CACNA2D3: variants seen among roughly 807,000 people sequenced by gnomAD.
CACNA2D3 encodes the protein calcium voltage-gated channel auxiliary subunit alpha2delta 3.
In CACNA2D3, 60 loss-of-function variants were observed where a neutral mutation model predicts 160.6. The ratio of observed to expected loss-of-function variants is 0.37; its 90% CI spans 0.30 to 0.46. The LOEUF (loss-of-function observed/expected upper bound fraction) is 0.46. Ranked by LOEUF, CACNA2D3 falls within the 20% of genes least tolerant of loss-of-function variation. CACNA2D3 has a pLI of 1.00. For synonymous variants in CACNA2D3, 558 were observed against 492.9 expected, an observed-to-expected ratio of 1.13 and a Z score of -1.75; for missense variants, 1,205 against 1,365.0, an observed-to-expected ratio of 0.88 and a Z score of 1.85.
intron 2 of CACNA2D3, among the ~76,000 whole-genome samples, chr3:54,223,085 C>T (rs553101917): frequency 6.6e-6 from 1 of 152,058 alleles, no homozygotes; most frequent in African/African-American, 2.4e-5. Context: ...TTATTTTATT[C>T]TTTTGATGCT....
intron 5 of CACNA2D3, among the ~76,000 whole-genome samples, chr3:54,535,029 A>G (rs1701866443): frequency 6.6e-6 from 1 of 152,224 alleles, no homozygotes; most frequent in Non-Finnish European, 1.5e-5. Flanking sequence ...CCCATTTGCC[A>G]CTACTGAAAT....
At chr3:54,864,001 C>T (rs1699348581) in intron 17 of CACNA2D3, among the ~76,000 whole-genome samples, 1 of 152,008 alleles carries the variant, frequency 6.6e-6, no homozygotes, top group African/African-American at 2.4e-5. Flanking sequence ...ATTACATCTC[C>T]GAATAGAGGC....
At chr3:54,663,709 C>T (rs1032249502) in intron 11 of CACNA2D3, among the ~76,000 whole-genome samples, 1 of 152,252 alleles carries the variant, frequency 6.6e-6, no homozygotes, top group Non-Finnish European at 1.5e-5. Flanking sequence ...GCTGACACAT[C>T]TGTGAGATGC....
chr3:54,338,544 A>T (rs972126523), intron 3 of CACNA2D3, among the ~76,000 whole-genome samples: 2 of 147,302 alleles, frequency 1.4e-5, no homozygotes, highest in South Asian at 2.2e-4. Context: ...CTAGGAGAAG[A>T]TGAGCCAGAG....
intron 29 of CACNA2D3, among the ~76,000 whole-genome samples, chr3:54,975,441 C>A (rs571958753): frequency 6.6e-6 from 1 of 150,666 alleles, no homozygotes; most frequent in East Asian, 2.0e-4. Context: ...ATCACCTGAA[C>A]CTGGGAGGCA....
chr3:54,741,900 T>C (rs1280728749), intron 11 of CACNA2D3, among the ~76,000 whole-genome samples: 2 of 151,990 alleles, frequency 1.3e-5, no homozygotes, highest in African/African-American at 4.8e-5. Context: ...TATTTTTTTT[T>C]TGAGACAAGG....
intron 2 of CACNA2D3, among the ~76,000 whole-genome samples, chr3:54,181,217 A>G (rs892076394): frequency 6.6e-6 from 1 of 152,238 alleles, no homozygotes; most frequent in African/African-American, 2.4e-5. Context: ...CACTTTATAA[A>G]TAAATTGAGC....
chr3:54,825,595 TG>T (rs1703732750), intron 14 of CACNA2D3, among the ~76,000 whole-genome samples: 1 of 152,192 alleles, frequency 6.6e-6, no homozygotes, highest in Non-Finnish European at 1.5e-5. Flanking sequence ...CTACACTTTA[TG>T]GCCAAGGCCT....
intron 11 of CACNA2D3, among the ~76,000 whole-genome samples, chr3:54,657,239 A>T (rs1337726840): frequency 6.6e-6 from 1 of 152,068 alleles, no homozygotes; most frequent in Admixed American, 6.5e-5. Flanking sequence ...CGCGGTCTGG[A>T]TGTGTACGTG....
chr3:54,948,183 G>C (rs1469992189), intron 27 of CACNA2D3, among the ~76,000 whole-genome samples: 3 of 152,078 alleles, frequency 2.0e-5, no homozygotes, highest in African/African-American at 4.8e-5. Flanking sequence ...CTTTCCCCTG[G>C]TTGTCTTGAC....
At chr3:54,136,634 T>C (rs906018009) in intron 2 of CACNA2D3, among the ~76,000 whole-genome samples, 23 of 152,228 alleles carry the variant, frequency 1.5e-4, no homozygotes, top group African/African-American at 5.5e-4. Context: ...CCTGCACACA[T>C]CCGGCTGTGT....
intron 2 of CACNA2D3, among the ~76,000 whole-genome samples, chr3:54,310,778 T>C (rs887126103): frequency 6.6e-6 from 1 of 152,238 alleles, no homozygotes; most frequent in Non-Finnish European, 1.5e-5. Flanking sequence ...AGTATTTTAC[T>C]CTGTGTTCAG....
chr3:54,839,153 G>A (rs1168989046), intron 16 of CACNA2D3, among the ~76,000 whole-genome samples: 1 of 152,170 alleles, frequency 6.6e-6, no homozygotes, highest in African/African-American at 2.4e-5. Flanking sequence ...AGCTGCTCGG[G>A]AGGCTGAGGC....
At chr3:54,661,811 C>T (rs1035736199) in intron 11 of CACNA2D3, among the ~76,000 whole-genome samples, 138 of 150,754 alleles carry the variant, frequency 9.2e-4, no homozygotes, top group Middle Eastern at 3.4e-3. Flanking sequence ...GAGGAACAGC[C>T]CTATGGTTCA....
intron 9 of CACNA2D3, among the ~76,000 whole-genome samples, chr3:54,588,104 T>C (rs1702795953): frequency 6.6e-6 from 1 of 152,170 alleles, no homozygotes; most frequent in Admixed American, 6.5e-5. Context: ...ATATAAAAAA[T>C]AATATGCTAC....
Position 54,129,838 on chromosome 3 carries a change from G to A in CACNA2D3, c.204+6244G>A, listed in dbSNP as rs545659062. Among the ~76,000 whole-genome samples the A allele has an allele frequency of 4.6e-5, 7 of 152,272 alleles. No homozygotes were observed. The East Asian group carries it at 9.7e-4, about 21-fold the overall frequency. On this transcript the variant is annotated intron_variant, in intron 2 of 37. Coordinates refer to ENST00000474759, the MANE Select transcript of CACNA2D3 (RefSeq NM_018398.3). Reference sequence around the variant, plus strand: ...ACTTATTAAGTGTGTGTATGTGTGCGTGCCTGTGCCAATAAAAATGGATGC... The same window carrying A: ...ACTTATTAAGTGTGTGTATGTGTGCATGCCTGTGCCAATAAAAATGGATGC...
chr3:54,933,407 C>T (rs1475937365), intron 27 of CACNA2D3, among the ~76,000 whole-genome samples: 1 of 152,194 alleles, frequency 6.6e-6, no homozygotes, highest in African/African-American at 2.4e-5. Context: ...GCTTCTTCCA[C>T]CTTTTGGCTG....
At chr3:54,695,851 G>A (rs1700654865) in intron 11 of CACNA2D3, among the ~76,000 whole-genome samples, 1 of 152,138 alleles carries the variant, frequency 6.6e-6, no homozygotes, top group African/African-American at 2.4e-5. Context: ...AATTTTCTCT[G>A]TTATTTGCCT....
chr3:54,589,324 AAAAC>A (rs1217806669), intron 9 of CACNA2D3, among the ~76,000 whole-genome samples: 8 of 152,134 alleles, frequency 5.3e-5, no homozygotes, highest in Admixed American at 1.3e-4. Context: ...TTCACAGACA[AAAAC>A]AAACAAAAAA....
Sources: gnomAD v4.1 joint callset for allele counts (sites outside exome capture counted in the v4.1 genomes callset) on GRCh38, gnomAD v4.1.1 for gene constraint, MANE v1.5 for transcripts, NCBI Gene and HGNC (gene_info 2026-07-23, HGNC 2026-07-21) for gene names.